LCTL: variants seen among roughly 807,000 people sequenced by gnomAD.
LCTL encodes lactase like.
Under a neutral mutation model 75.8 loss-of-function variants are expected in LCTL, and 76 were observed. The ratio of observed to expected loss-of-function variants is 1.00; its 90% CI spans 0.83 to 1.21. The LOEUF (loss-of-function observed/expected upper bound fraction) is 1.21. Ranked by LOEUF, LCTL falls within the 50% of genes most tolerant of loss-of-function variation. LCTL has a pLI of 0.00. For synonymous variants in LCTL, 271 were observed against 268.8 expected, an observed-to-expected ratio of 1.01 and a Z score of -0.08; for missense variants, 670 against 712.4, an observed-to-expected ratio of 0.94 and a Z score of 0.68.
In LCTL at chr15:66,563,506, AG is replaced by A. The variant is rs906523482; in HGVS notation, c.480+9del. 1 of 1,600,384 alleles carries A rather than the reference AG, an allele frequency of 6.2e-7. No homozygotes were observed. The highest frequency in any genetic ancestry group is 8.6e-7 in the Non-Finnish European group (1 of 1,169,378). On this transcript the variant is annotated intron_variant, in intron 4 of 12. Coordinates refer to ENST00000341509, the Ensembl canonical transcript of LCTL. Reference sequence around the variant, plus strand: ...CCCCTTTGGGCCTGTGAGCCTGCTCAGGTCCTCACCTGTGGCAGATCCCAGT... The same window carrying A: ...CCCCTTTGGGCCTGTGAGCCTGCTCAGTCCTCACCTGTGGCAGATCCCAGT...
chr15:66,548,557 G>A, exon 13 of LCTL: 1 of 1,613,726 alleles, frequency 6.2e-7, no homozygotes, highest in South Asian at 1.1e-5. Flanking sequence ...GGAGCAGACA[G>A]TGGGTACCAC....
chr15:66,554,075 AT>A (rs1180255431), intron 8 of LCTL, among the ~76,000 whole-genome samples: 1 of 151,830 alleles, frequency 6.6e-6, no homozygotes, highest in Non-Finnish European at 1.5e-5. Context: ...GCAGATCACG[AT>A]GTTTAGGAGC....
At chr15:66,562,352 G>A (rs1034294848) in intron 4 of LCTL, among the ~76,000 whole-genome samples, 6 of 149,998 alleles carry the variant, frequency 4.0e-5, no homozygotes, top group Admixed American at 6.7e-5. Flanking sequence ...GTAGTGAGCC[G>A]AGATCATGCC....
At chr15:66,550,058 T>C in exon 12 of LCTL, 1 of 1,604,414 alleles carries the variant, frequency 6.2e-7, no homozygotes, top group Non-Finnish European at 8.5e-7. Context: ...AAGCATCTGA[T>C]TGTTGATAGA....
At position 66,552,998 on chromosome 15, in the gene LCTL, G is replaced by A. The variant is rs1478828895; in HGVS notation, c.1183C>T (p.Leu395Phe). Residue 395 changes from leucine (L) to phenylalanine (F), a missense_variant, in exon 9 of 13, where the codon CTT becomes TTT. Physicochemically the swap from Leu to Phe is conservative, Grantham distance 22 (BLOSUM62 0). Transcript: ENST00000341509. ...GTGATAATCACCTGAGCAAAGTTAAGGAGCCTCCTAAATCCCCATGGCACA... is the reference window on the plus strand; with the variant it reads ...GTGATAATCACCTGAGCAAAGTTAAAGAGCCTCCTAAATCCCCATGGCACA... 3 of 1,459,656 alleles carry A rather than the reference G, an allele frequency of 2.1e-6. No homozygotes were observed. 90.4% of individuals were successfully genotyped at this position (1,459,656 alleles called of 1,614,324 possible). A position where few individuals can be genotyped will look rare whatever the true frequency, so the allele number is the denominator to read the frequency against.
intron 11 of LCTL, 90 bp downstream of exon 12, chr15:66,551,570 AAG>A: frequency 1.0e-6 from 1 of 995,706 alleles, no homozygotes; most frequent in Non-Finnish European, 1.5e-6. Context: ...TCATGGAGGA[AAG>A]AGAAGAGAAA....
intron 4 of LCTL, 31 bp downstream of exon 5, chr15:66,563,485 T>A: frequency 5.2e-6 from 8 of 1,528,608 alleles, no homozygotes; most frequent in Non-Finnish European, 6.3e-6. Flanking sequence ...TTGAGTCCCC[T>A]TTGGGCCTGT....
chr15:66,550,463 T>C (rs921271545), intron 11 of LCTL, among the ~76,000 whole-genome samples: 3 of 152,206 alleles, frequency 2.0e-5, no homozygotes, highest in Non-Finnish European at 2.9e-5. Flanking sequence ...TTTAAAATTA[T>C]TTTTATTAAG....
At chr15:66,562,654 G>A (rs893731946) in intron 4 of LCTL, among the ~76,000 whole-genome samples, 1 of 150,626 alleles carries the variant, frequency 6.6e-6, no homozygotes, top group Non-Finnish European at 1.5e-5. Context: ...GCATAATCTC[G>A]GCTCACTGCA....
chr15:66,564,272 C>A, intron 2 of LCTL: 1 of 526,464 alleles, frequency 1.9e-6, no homozygotes. Flanking sequence ...CTCAAGAAGC[C>A]ATCCAGAGAG....
intron 8 of LCTL, among the ~76,000 whole-genome samples, chr15:66,556,497 G>A (rs1247586887): frequency 6.6e-6 from 1 of 152,118 alleles, no homozygotes; most frequent in Non-Finnish European, 1.5e-5. Context: ...TAGAGACGGG[G>A]TTTCACTATG....
At chr15:66,553,855 C>A (rs917478423) in intron 8 of LCTL, among the ~76,000 whole-genome samples, 3 of 151,720 alleles carry the variant, frequency 2.0e-5, no homozygotes, top group Non-Finnish European at 4.4e-5. Context: ...TTGTTCCTTA[C>A]ATTAAAAATG....
exon 13 of LCTL, chr15:66,548,562 TACC>T: frequency 6.2e-7 from 1 of 1,613,380 alleles, no homozygotes; most frequent in Non-Finnish European, 8.5e-7. Flanking sequence ...AGACAGTGGG[TACC>T]ACGATCTCCG....
chr15:66,563,914 G>A lies in LCTL; in HGVS notation c.367C>T (p.Arg123Ter), dbSNP rs539441696. Residue 123 changes from arginine to a stop codon, truncating the protein, a stop_gained, in exon 3 of 13, where the codon CGA becomes TGA. Transcript: ENST00000341509. LOFTEE classifies it high-confidence loss of function. ...AAGAGGGGCTTCCCTAGCTCACCTC[G>A]GATGCCTGTGGGCAGGAGCCGGGGC... The A allele has an allele frequency of 3.3e-5, 53 of 1,613,564 alleles. No individual in the cohort carries two copies. The highest frequency in any genetic ancestry group is 2.0e-4 in the Admixed American group (12 of 60,028).
rs73474178 is a variant in LCTL at position 66,558,236 on chromosome 15, G to A, written c.706-200C>T. 8.3e-3 allele frequency among the ~76,000 whole-genome samples: 1,257 copies of A among 152,270 alleles called. 26 individuals carry two copies. The highest frequency in any genetic ancestry group is 0.029 in the African/African-American group (1,209 of 41,530). On this transcript the variant is annotated intron_variant, in intron 6 of 12. Coordinates refer to ENST00000341509, the Ensembl canonical transcript of LCTL. ...ATATTGTAAATGAAACTTGATGTAAGTCTGGCTCAAACAACTTTTTGTTGT... is the reference window on the plus strand; with the variant it reads ...ATATTGTAAATGAAACTTGATGTAAATCTGGCTCAAACAACTTTTTGTTGT...
At chr15:66,547,879 C>T (rs915709169) in exon 13 of LCTL, 1 of 152,518 alleles carries the variant, frequency 6.6e-6, no homozygotes, top group African/African-American at 2.4e-5. Context: ...CTTCACCTCC[C>T]AGGTTCAAGC....
intron 6 of LCTL, among the ~76,000 whole-genome samples, chr15:66,558,896 A>C (rs1895812173): frequency 1.3e-5 from 2 of 151,672 alleles, no homozygotes; most frequent in Admixed American, 1.3e-4. Context: ...GGGTTTCTCC[A>C]TGTTGGTCAG....
At chr15:66,558,649 G>A (rs1297048238) in intron 6 of LCTL, among the ~76,000 whole-genome samples, 1 of 151,754 alleles carries the variant, frequency 6.6e-6, no homozygotes, top group Non-Finnish European at 1.5e-5. Context: ...CTCAAAGCGG[G>A]GCCCAAGAAT....
chr15:66,564,945 C>A (rs1295242498), intron 1 of LCTL, 106 bp from the exon 3 acceptor site: 1 of 1,070,808 alleles, frequency 9.3e-7, no homozygotes, highest in Non-Finnish European at 1.3e-6. Context: ...CTCCCTACCA[C>A]GCTGCCCCTG....
Sources: gnomAD v4.1 joint callset for allele counts (sites outside exome capture counted in the v4.1 genomes callset) on GRCh38, gnomAD v4.1.1 for gene constraint, MANE v1.5 for transcripts, NCBI Gene and HGNC (gene_info 2026-07-23, HGNC 2026-07-21) for gene names.